IL1RAPL2: variants seen among roughly 807,000 people sequenced by gnomAD.
IL1RAPL2 encodes X-linked interleukin-1 receptor accessory protein-like 2.
IL1RAPL2 carries 3 observed loss-of-function variants against 44.1 expected under a neutral mutation model. The ratio of observed to expected loss-of-function variants is 0.07; its 90% CI spans 0.03 to 0.18. The LOEUF (loss-of-function observed/expected upper bound fraction) is 0.18. IL1RAPL2 is among the 10% of genes least tolerant of loss of function. IL1RAPL2 has a pLI of 1.00. For missense variants in IL1RAPL2, 391 were observed against 496.4 expected (o/e 0.79, Z 2.02); for synonymous variants, 181 against 178.8 (o/e 1.01, Z -0.10).
At chrX:105,193,525 A>C (rs1345238425) in intron 2 of IL1RAPL2, among the ~76,000 whole-genome samples, 1 of 112,253 alleles carries the variant, frequency 8.9e-6, no homozygotes, top group Non-Finnish European at 1.9e-5. Context: ...ATGATAAAAC[A>C]ATAAATATTA....
chrX:104,938,407 C>A (rs1483187215), intron 2 of IL1RAPL2, among the ~76,000 whole-genome samples: 8 of 111,488 alleles, frequency 7.2e-5, no homozygotes, highest in African/African-American at 2.0e-4. Context: ...ATTCTAATAG[C>A]AATTAGAGTT....
chrX:105,736,462 C>A (rs1425906938), intron 7 of IL1RAPL2, among the ~76,000 whole-genome samples: 2 of 105,846 alleles, frequency 1.9e-5, no homozygotes, highest in Admixed American at 1.0e-4. Flanking sequence ...AAAATATTTG[C>A]AAACTATATA....
chrX:104,791,542 C>A (rs1174897071), intron 2 of IL1RAPL2, among the ~76,000 whole-genome samples: 1 of 111,636 alleles, frequency 9.0e-6, no homozygotes, highest in Non-Finnish European at 1.9e-5. Context: ...AGGAGTGTCC[C>A]TCTGTGGCTC....
intron 2 of IL1RAPL2, among the ~76,000 whole-genome samples, chrX:104,672,280 T>C (rs1230059002): frequency 9.0e-6 from 1 of 110,518 alleles, no homozygotes; most frequent in East Asian, 2.8e-4. Flanking sequence ...CAGAGTGTGA[T>C]ATTCCCCTTC....
At chrX:104,836,830 T>C (rs924537598) in intron 2 of IL1RAPL2, among the ~76,000 whole-genome samples, 6 of 111,026 alleles carry the variant, frequency 5.4e-5, no homozygotes, top group Non-Finnish European at 1.1e-4. Context: ...TATCAACCCA[T>C]CATGTAGGTT....
chrX:105,143,494 G>A lies in IL1RAPL2; in HGVS notation c.83-51981G>A, dbSNP rs765358267. ...AAATAGGAACACTTTTACACTGTTG[G>A]TGGGACTGTAAACTAGTTCAACCAT... On this transcript the variant is annotated intron_variant, in intron 2 of 10. Coordinates refer to ENST00000372582, the MANE Select transcript of IL1RAPL2 (RefSeq NM_017416.2). Among the ~76,000 whole-genome samples the A allele has an allele frequency of 7.1e-5, 8 of 111,892 alleles. No individual in the cohort carries two copies. In the East Asian group the frequency reaches 2.3e-3, roughly 32 times the overall value.
intron 6 of IL1RAPL2, among the ~76,000 whole-genome samples, chrX:105,678,968 T>C (rs2037898147): frequency 9.0e-6 from 1 of 111,213 alleles, no homozygotes; most frequent in Middle Eastern, 4.7e-3. Flanking sequence ...TATTATTTGG[T>C]TAGGGGATGG....
Position 105,598,632 on chromosome X carries a change from T to C in IL1RAPL2, c.772+114245T>C, listed in dbSNP as rs182418206. On this transcript the variant is annotated intron_variant, in intron 6 of 10. Coordinates refer to ENST00000372582, the MANE Select transcript of IL1RAPL2 (RefSeq NM_017416.2). Reference sequence around the variant, plus strand: ...ATAGCAGTGCCTGGAACATAGTGAATAGTCAGTGCATATGAGTTGTTTTTG... The same window carrying C: ...ATAGCAGTGCCTGGAACATAGTGAACAGTCAGTGCATATGAGTTGTTTTTG... Among the ~76,000 whole-genome samples the C allele has an allele frequency of 1.3e-4, 14 of 111,551 alleles. No homozygotes were observed. In the East Asian group the frequency reaches 4.0e-3, roughly 32 times the overall value.
intron 2 of IL1RAPL2, among the ~76,000 whole-genome samples, chrX:104,884,359 G>T (rs1412357523): frequency 8.9e-6 from 1 of 111,909 alleles, no homozygotes; most frequent in African/African-American, 3.3e-5. Flanking sequence ...TCTTGGGCAA[G>T]AGGTGTTTCT....
chrX:104,597,363 AAGAG>A (rs1398371538), intron 1 of IL1RAPL2, among the ~76,000 whole-genome samples: 6 of 105,840 alleles, frequency 5.7e-5, no homozygotes, highest in East Asian at 2.9e-4. Flanking sequence ...AAAAAAAAAA[AAGAG>A]AGAGACATGA....
chrX:105,507,813 C>G (rs1346564623), intron 6 of IL1RAPL2, among the ~76,000 whole-genome samples: 1 of 111,687 alleles, frequency 9.0e-6, no homozygotes, highest in Non-Finnish European at 1.9e-5. Flanking sequence ...TGGTTTATAT[C>G]CAGAAATCAA....
chrX:105,364,099 A>G (rs1207260021), intron 5 of IL1RAPL2, among the ~76,000 whole-genome samples: 2 of 111,312 alleles, frequency 1.8e-5, no homozygotes, highest in Non-Finnish European at 3.8e-5. Flanking sequence ...ATTTTTGTTT[A>G]TGATGGAAGA....
At chrX:104,713,328 T>C (rs774051089) in intron 2 of IL1RAPL2, among the ~76,000 whole-genome samples, 2 of 110,670 alleles carry the variant, frequency 1.8e-5, no homozygotes, top group South Asian at 7.6e-4. Context: ...CCTGCAGAAA[T>C]GAGAGAAATA....
chrX:105,587,348 A>G (rs1021148360), intron 6 of IL1RAPL2, among the ~76,000 whole-genome samples: 4 of 110,717 alleles, frequency 3.6e-5, no homozygotes, highest in African/African-American at 9.8e-5. Flanking sequence ...GTTTTCCTTG[A>G]CTATTCTTTC....
chrX:105,204,977 T>C (rs991869828), intron 3 of IL1RAPL2, among the ~76,000 whole-genome samples: 3 of 111,939 alleles, frequency 2.7e-5, no homozygotes, highest in African/African-American at 9.7e-5. Flanking sequence ...AGTAAATGCA[T>C]TGAATGAGAG....
chrX:105,664,876 A>G (rs999572896), intron 6 of IL1RAPL2, among the ~76,000 whole-genome samples: 1 of 111,992 alleles, frequency 8.9e-6, no homozygotes, highest in Non-Finnish European at 1.9e-5. Flanking sequence ...AGCCCAAAAC[A>G]ATAAACTCCT....
At chrX:105,266,636 C>G (rs185893123) in intron 4 of IL1RAPL2, among the ~76,000 whole-genome samples, 17 of 111,648 alleles carry the variant, frequency 1.5e-4, no homozygotes, top group African/African-American at 5.5e-4. Flanking sequence ...CCTCACATTC[C>G]TATCAGGAGA....
chrX:104,675,110 C>A (rs1415186748), intron 2 of IL1RAPL2, among the ~76,000 whole-genome samples: 3 of 111,223 alleles, frequency 2.7e-5, no homozygotes, highest in South Asian at 7.6e-4. Flanking sequence ...CAGTTCTGCT[C>A]TGTTCTTAGT....
chrX:104,768,134 C>T (rs1200546080), intron 2 of IL1RAPL2, among the ~76,000 whole-genome samples: 1 of 111,617 alleles, frequency 9.0e-6, no homozygotes, highest in East Asian at 2.8e-4. Context: ...CATCACCTCA[C>T]ATATTATTTT....
Sources: allele counts gnomAD v4.1 joint callset (sites outside exome capture counted in the v4.1 genomes callset), GRCh38; gene constraint gnomAD v4.1.1; transcripts MANE v1.5; gene names NCBI Gene and HGNC (gene_info 2026-07-23, HGNC 2026-07-21).